Variants in RBFOX1 observed in about 807,000 individuals in gnomAD.
RBFOX1 encodes the protein RNA binding protein fox-1 homolog 1.
Under a neutral mutation model 57.7 loss-of-function variants are expected in RBFOX1, and 8 were observed. That is an observed-to-expected ratio of 0.14 (90% confidence interval 0.08 to 0.25). The LOEUF (loss-of-function observed/expected upper bound fraction) is 0.25, where lower values mean the gene tolerates loss of function less well. RBFOX1 is among the 10% of genes least tolerant of loss of function. RBFOX1 has a pLI of 1.00. For missense variants in RBFOX1, 611 were observed against 548.5 expected (o/e 1.11, Z -1.14); for synonymous variants, 326 against 222.4 (o/e 1.47, Z -4.15).
At chr16:6,821,564 C>G (rs12924518) in intron 3 of RBFOX1, among the ~76,000 whole-genome samples, 56,849 of 152,024 alleles carry the variant, frequency 0.37, 12,086 homozygotes, top group Non-Finnish European at 0.49. Flanking sequence ...CTCTCTCCCC[C>G]CAACCGCTGG....
chr16:6,928,541 A>G (rs1175822378), intron 3 of RBFOX1, among the ~76,000 whole-genome samples: 1 of 152,136 alleles, frequency 6.6e-6, no homozygotes, highest in Non-Finnish European at 1.5e-5. Context: ...CGTTTTATCC[A>G]GGGTAACCTT....
In RBFOX1 at chr16:7,501,926, A is replaced by T. The variant is rs987286845; in HGVS notation, c.28-16221A>T. 8.5e-5 allele frequency among the ~76,000 whole-genome samples: 13 copies of T among 152,306 alleles called. No homozygotes were observed. The East Asian group carries it at 2.1e-3, about 25-fold the overall frequency. On this transcript the variant is annotated intron_variant, in intron 4 of 15. Coordinates refer to ENST00000550418, the MANE Select transcript of RBFOX1 (RefSeq NM_018723.4). Reference sequence around the variant, plus strand: ...TACCTTATTCACCACTGTAGCCCCCAAACATAGCACAGTCCCTGACATCCA... The same window carrying T: ...TACCTTATTCACCACTGTAGCCCCCTAACATAGCACAGTCCCTGACATCCA...
At chr16:7,170,758 A>G (rs576882306) in intron 4 of RBFOX1, among the ~76,000 whole-genome samples, 11 of 152,214 alleles carry the variant, frequency 7.2e-5, no homozygotes, top group African/African-American at 2.2e-4. Context: ...GAATGTCTTC[A>G]TGAGCAGCTA....
chr16:6,267,275 A>G (rs762302696), intron 1 of RBFOX1, among the ~76,000 whole-genome samples: 19 of 152,210 alleles, frequency 1.2e-4, no homozygotes, highest in Non-Finnish European at 2.1e-4. Flanking sequence ...TTAAATTCAC[A>G]ATTCATACAC....
At chr16:6,244,584 A>G (rs190657326) in intron 1 of RBFOX1, among the ~76,000 whole-genome samples, 220 of 152,232 alleles carry the variant, frequency 1.4e-3, no homozygotes, top group Middle Eastern at 6.8e-3. Context: ...GCTCACTGCA[A>G]TGTTCGCCTC....
chr16:5,835,322 C>T (rs886963995), intron 3 of RBFOX1, among the ~76,000 whole-genome samples: 8 of 152,154 alleles, frequency 5.3e-5, no homozygotes, highest in Non-Finnish European at 7.3e-5. Context: ...GGGCAGGGCA[C>T]GTAGACAACT....
intron 2 of RBFOX1, among the ~76,000 whole-genome samples, chr16:6,633,458 T>C (rs1478694385): frequency 6.6e-6 from 1 of 152,030 alleles, no homozygotes; most frequent in Non-Finnish European, 1.5e-5. Flanking sequence ...TTGCATTTAT[T>C]ATTATTATTT....
chr16:5,569,072 G>C (rs977747007), intron 2 of RBFOX1, among the ~76,000 whole-genome samples: 17 of 149,818 alleles, frequency 1.1e-4, no homozygotes, highest in Admixed American at 9.4e-4. Context: ...GGTTGGTCTC[G>C]AACTCCTGAC....
intron 4 of RBFOX1, among the ~76,000 whole-genome samples, chr16:7,149,266 A>G (rs557718769): frequency 6.6e-6 from 1 of 152,028 alleles, no homozygotes; most frequent in Admixed American, 6.6e-5. Context: ...GAGTTGCAAT[A>G]TGACTGTTTG....
chr16:6,010,292 C>T (rs962619501), intron 4 of RBFOX1, among the ~76,000 whole-genome samples: 2 of 152,288 alleles, frequency 1.3e-5, no homozygotes, highest in Non-Finnish European at 2.9e-5. Flanking sequence ...GATAACCAAC[C>T]GTCACCAATA....
chr16:6,660,580 C>G (rs2098694994), intron 3 of RBFOX1, among the ~76,000 whole-genome samples: 1 of 152,094 alleles, frequency 6.6e-6, no homozygotes, highest in South Asian at 2.1e-4. Context: ...CCAGCCCTCC[C>G]AAATAGCAAC....
chr16:6,744,164 G>A (rs1568432843), intron 3 of RBFOX1, among the ~76,000 whole-genome samples: 1 of 152,058 alleles, frequency 6.6e-6, no homozygotes, highest in Non-Finnish European at 1.5e-5. Context: ...AATGGAAAAG[G>A]TGACTTAATC....
At chr16:5,843,922 C>A (rs2056688654) in intron 3 of RBFOX1, among the ~76,000 whole-genome samples, 1 of 152,190 alleles carries the variant, frequency 6.6e-6, no homozygotes, top group Non-Finnish European at 1.5e-5. Context: ...GGTTGAATTT[C>A]AGAATTTTCC....
chr16:6,844,600 G>T (rs1166309491), intron 3 of RBFOX1, among the ~76,000 whole-genome samples: 1 of 152,044 alleles, frequency 6.6e-6, no homozygotes, highest in African/African-American at 2.4e-5. Context: ...TGGGCATTTA[G>T]GTTGAGTCCT....
intron 5 of RBFOX1, among the ~76,000 whole-genome samples, chr16:7,555,429 G>A (rs905888067): frequency 2.0e-5 from 3 of 152,310 alleles, no homozygotes; most frequent in Admixed American, 6.5e-5. Context: ...ACGTAGTTGG[G>A]TAAGATGTTA....
At chr16:7,099,388 T>C (rs2062264305) in intron 4 of RBFOX1, among the ~76,000 whole-genome samples, 1 of 152,182 alleles carries the variant, frequency 6.6e-6, no homozygotes, top group Admixed American at 6.5e-5. Context: ...TAACCCCTCT[T>C]TAAAATGGGG....
chr16:6,025,457 AT>A (rs2095172086), intron 1 of RBFOX1, among the ~76,000 whole-genome samples: 1 of 152,072 alleles, frequency 6.6e-6, no homozygotes, highest in Non-Finnish European at 1.5e-5. Context: ...GCCTACTTAG[AT>A]TTTCTTTCTC....
At chr16:5,398,407 GTGAT>G (rs2066623193) in intron 1 of RBFOX1, among the ~76,000 whole-genome samples, 2 of 152,084 alleles carry the variant, frequency 1.3e-5, no homozygotes, top group Non-Finnish European at 2.9e-5. Flanking sequence ...GTGCATGTGT[GTGAT>G]TGTGTATCTG....
chr16:7,020,731 T>A (rs1568401215), intron 3 of RBFOX1, among the ~76,000 whole-genome samples: 1 of 152,034 alleles, frequency 6.6e-6, no homozygotes, highest in South Asian at 2.1e-4. Context: ...GAAATGTCCT[T>A]CCCTCTGAGA....
Sources: allele counts gnomAD v4.1 joint callset (sites outside exome capture counted in the v4.1 genomes callset), GRCh38; gene constraint gnomAD v4.1.1; transcripts MANE v1.5; gene names NCBI Gene and HGNC (gene_info 2026-07-23, HGNC 2026-07-21).